HS6ST1: variants seen among roughly 807,000 people sequenced by gnomAD.
HS6ST1 encodes the protein heparan-sulfate 6-O-sulfotransferase 1.
In HS6ST1, 3 loss-of-function variants were observed where a neutral mutation model predicts 25.2. That is an observed-to-expected ratio of 0.12 (90% CI 0.05 to 0.31). The LOEUF is 0.31. Ranked by LOEUF, HS6ST1 falls within the 10% of genes least tolerant of loss-of-function variation. HS6ST1 has a pLI of 1.00. For synonymous variants in HS6ST1, 204 were observed against 275.1 expected (o/e 0.74, Z 2.56); for missense variants, 310 against 609.6 (o/e 0.51, Z 5.18).
chr2:128,293,814 C>T (rs1367965200), intron 1 of HS6ST1, among the ~76,000 whole-genome samples: 1 of 152,180 alleles, frequency 6.6e-6, no homozygotes, highest in Non-Finnish European at 1.5e-5. Context: ...GCTCAGAAGG[C>T]CAGTGCTATG....
At position 128,304,521 on chromosome 2, in the gene HS6ST1, C is replaced by CG. The variant is rs1331933277; in HGVS notation, c.527+13515dup. On this transcript the variant is annotated intron_variant, in intron 1 of 1. Coordinates refer to ENST00000259241, the MANE Select transcript of HS6ST1 (RefSeq NM_004807.3). ...CAGACTGTAAGGCCCTGGCATCCCT[C>CG]GGAGGCTGCCTTGCTAATGGACAGC... Among the ~76,000 whole-genome samples the CG allele has an allele frequency of 3.3e-5, 5 of 152,360 alleles. No homozygotes were observed. In the East Asian group the frequency reaches 9.6e-4, roughly 29 times the overall value.
At chr2:128,305,196 C>A (rs1284275458) in intron 1 of HS6ST1, among the ~76,000 whole-genome samples, 1 of 152,244 alleles carries the variant, frequency 6.6e-6, no homozygotes, top group Admixed American at 6.5e-5. Context: ...CTGCCTTTTA[C>A]CCACTTGGCT....
intron 1 of HS6ST1, among the ~76,000 whole-genome samples, chr2:128,302,279 T>A (rs1051702677): frequency 5.3e-5 from 8 of 152,160 alleles, no homozygotes; most frequent in African/African-American, 1.9e-4. Context: ...AAGAATGCCA[T>A]GGGCAGCACA....
rs76315289 is a variant in HS6ST1, at chr2:128,269,544, G to A, written c.528-674C>T. ...GCGGCAGGAGCCCAGCATGAAGCAT[G>A]TCCTTGCCAGGCTCGCTATGACGCT... On this transcript the variant is annotated intron_variant, in intron 1 of 1. Transcript: ENST00000259241. Among the ~76,000 whole-genome samples the A allele has an allele frequency of 1.0e-3, 158 of 152,380 alleles. 1 individual carries two copies. The highest frequency in any genetic ancestry group is 3.7e-3 in the African/African-American group (152 of 41,590).
intron 1 of HS6ST1, among the ~76,000 whole-genome samples, chr2:128,278,835 TC>T (rs1693736194): frequency 6.6e-6 from 1 of 152,216 alleles, no homozygotes; most frequent in South Asian, 2.1e-4. Context: ...TGAATTTTTT[TC>T]AACATTTTAC....
Position 128,312,381 on chromosome 2 carries a change from G to T in HS6ST1, c.527+5656C>A, listed in dbSNP as rs562419845. ...CATATACTTGTCTTGGGGGAGTGTT[G>T]GGTCCAAACAAGATGACCCATTCCA... On this transcript the variant is annotated intron_variant, in intron 1 of 1. Coordinates refer to ENST00000259241, the MANE Select transcript of HS6ST1 (RefSeq NM_004807.3). Among the ~76,000 whole-genome samples the T allele has an allele frequency of 8.5e-5, 13 of 152,358 alleles. No homozygotes were observed. In the South Asian group the frequency reaches 2.7e-3, roughly 32 times the overall value.
chr2:128,294,676 G>A (rs1458930390), intron 1 of HS6ST1, among the ~76,000 whole-genome samples: 1 of 38,878 alleles, frequency 2.6e-5, no homozygotes, highest in Non-Finnish European at 5.1e-5. Context: ...GGAGGCGTGT[G>A]TGTGTGTGTG....
intron 1 of HS6ST1, among the ~76,000 whole-genome samples, chr2:128,295,176 C>T (rs1193213416): frequency 1.3e-5 from 2 of 152,238 alleles, no homozygotes; most frequent in East Asian, 3.8e-4. Flanking sequence ...CGGCTGATGG[C>T]ACAGGCAGCA....
rs1694022752 is a variant in HS6ST1 at position 128,295,095 on chromosome 2, C to T, written c.527+22942G>A. 2.6e-5 allele frequency among the ~76,000 whole-genome samples: 4 copies of T among 152,208 alleles called. No individual in the cohort carries two copies. The South Asian group carries it at 6.2e-4, about 24-fold the overall frequency. ...GAACCAGCAACTGAGTGACCATGCG[C>T]AGATCCAGTGCCCTCTGAGCCCTGG... On this transcript the variant is annotated intron_variant, in intron 1 of 1. Coordinates refer to ENST00000259241, the MANE Select transcript of HS6ST1 (RefSeq NM_004807.3).
chr2:128,268,387 G>A lies in HS6ST1; in HGVS notation c.1011C>T (p.Ile337=), dbSNP rs374532219. ...GCATGTCCAGGTCGTTGAGCTCCTC[G>A]ATGCGCCGGATGGTGTCTTCATCCA... is the stretch of plus-strand genomic sequence containing the variant. The part of the protein sequence containing the change: ...VEVDEDTIRR[I]EELNDLDMQL... The change falls in exon 2 of 2, where the codon ATC becomes ATT. Residue 337 remains isoleucine, a synonymous_variant. Transcript: ENST00000259241. The A allele has an allele frequency of 1.4e-4, 219 of 1,613,642 alleles. No homozygotes were observed. The highest frequency in any genetic ancestry group is 2.7e-4 in the Admixed American group (16 of 60,020).
intron 1 of HS6ST1, among the ~76,000 whole-genome samples, chr2:128,311,158 C>A (rs1694284950): frequency 6.6e-6 from 1 of 152,186 alleles, no homozygotes; most frequent in Non-Finnish European, 1.5e-5. Context: ...GCATAACATA[C>A]CCCACCCAAA....
intron 1 of HS6ST1, among the ~76,000 whole-genome samples, chr2:128,309,466 G>A (rs1310658612): frequency 6.6e-6 from 1 of 152,218 alleles, no homozygotes; most frequent in Admixed American, 6.5e-5. Flanking sequence ...CCTGGACAAG[G>A]ACCAGGCCTG....
intron 1 of HS6ST1, among the ~76,000 whole-genome samples, chr2:128,285,026 C>G (rs1558872605): frequency 1.3e-5 from 2 of 152,304 alleles, no homozygotes; most frequent in African/African-American, 4.8e-5. Context: ...ACCAGAGCAC[C>G]CTGTGCTGCG....
At chr2:128,273,881 C>G (rs1693651562) in intron 1 of HS6ST1, among the ~76,000 whole-genome samples, 1 of 152,216 alleles carries the variant, frequency 6.6e-6, no homozygotes, top group Non-Finnish European at 1.5e-5. Flanking sequence ...CTAGGCAGCT[C>G]TCTGACATGT....
chr2:128,297,245 G>C (rs1217725134), intron 1 of HS6ST1, among the ~76,000 whole-genome samples: 2 of 152,204 alleles, frequency 1.3e-5, no homozygotes, highest in Non-Finnish European at 2.9e-5. Flanking sequence ...TGCATATATG[G>C]TCAAATGGTG....
At chr2:128,292,026 A>G (rs1173556264) in intron 1 of HS6ST1, among the ~76,000 whole-genome samples, 1 of 152,156 alleles carries the variant, frequency 6.6e-6, no homozygotes, top group East Asian at 1.9e-4. Context: ...GGTCCGGCTC[A>G]GGAGAAGGCC....
chr2:128,311,005 A>AT (rs1204812490), intron 1 of HS6ST1, among the ~76,000 whole-genome samples: 2 of 77,444 alleles, frequency 2.6e-5, no homozygotes, highest in Non-Finnish European at 4.5e-5. Flanking sequence ...TCCACTCCAC[A>AT]CCCCGCTCAT....
intron 1 of HS6ST1, among the ~76,000 whole-genome samples, chr2:128,301,797 G>A (rs776459644): frequency 1.4e-4 from 22 of 152,298 alleles, no homozygotes; most frequent in Non-Finnish European, 2.9e-4. Context: ...GCTGGGCCCA[G>A]CCTCCATGGG....
chr2:128,293,214 G>C (rs953212891), intron 1 of HS6ST1, among the ~76,000 whole-genome samples: 2 of 152,276 alleles, frequency 1.3e-5, no homozygotes, highest in African/African-American at 4.8e-5. Context: ...ACCGCTCCCA[G>C]GCACAGCCCG....
Sources: allele counts gnomAD v4.1 joint callset (sites outside exome capture counted in the v4.1 genomes callset), GRCh38; gene constraint gnomAD v4.1.1; transcripts MANE v1.5; gene names NCBI Gene and HGNC (gene_info 2026-07-23, HGNC 2026-07-21).